The following MET variants were observed in gnomAD, a reference collection of about 807,000 sequenced individuals.
MET encodes the protein MET proto-oncogene, receptor tyrosine kinase.
MET carries 48 observed loss-of-function variants against 133.1 expected under a neutral mutation model. The ratio of observed to expected loss-of-function variants is 0.36; its 90% CI spans 0.29 to 0.46. The LOEUF (loss-of-function observed/expected upper bound fraction) is 0.46. Among genes scored for constraint, MET ranks in the 20% least tolerant of loss-of-function variants. The probability of loss-of-function intolerance (pLI) is 1.00; values close to 1 mark genes in which losing one functional copy is unlikely to be tolerated. For synonymous variants in MET, 628 were observed against 616.5 expected (o/e 1.02, Z -0.28); for missense variants, 1,442 against 1,695.9 (o/e 0.85, Z 2.63).
chr7:116,736,829 G>A lies in MET; in HGVS notation c.1393-3121G>A, dbSNP rs1290348214. On this transcript the variant is annotated intron_variant, in intron 3 of 20. Coordinates refer to ENST00000397752, the MANE Select transcript of MET (RefSeq NM_000245.4). The stretch of plus-strand genomic sequence containing the variant: ...TAATTGTTGGTCTTCTATTTTATGC[G>A]AATTCTTCTAAGATTCCCAGGTTAT... 2.6e-5 allele frequency among the ~76,000 whole-genome samples: 4 copies of A among 152,222 alleles called. No homozygotes were observed. The East Asian group carries it at 7.7e-4, about 29-fold the overall frequency.
intron 19 of MET, among the ~76,000 whole-genome samples, chr7:116,785,559 G>A (rs1795287020): frequency 6.6e-6 from 1 of 152,114 alleles, no homozygotes; most frequent in African/African-American, 2.4e-5. Flanking sequence ...CTACCTCCAT[G>A]ATGCAGTCAC....
At chr7:116,755,603 G>T (rs1794148490) in intron 6 of MET, 88 bp downstream of exon 6, 5 of 1,524,320 alleles carry the variant, frequency 3.3e-6, no homozygotes, top group Non-Finnish European at 4.5e-6. Context: ...TGCTCAAGAA[G>T]CTCATCTCTT....
chr7:116,681,163 T>C (rs1796343922), intron 1 of MET, among the ~76,000 whole-genome samples: 1 of 152,102 alleles, frequency 6.6e-6, no homozygotes, highest in South Asian at 2.1e-4. Context: ...TCCCCTCAGT[T>C]ACCAGGAAGA....
chr7:116,754,153 A>G lies in MET; in HGVS notation c.1702-1202A>G, dbSNP rs538828142. 1.3e-4 allele frequency among the ~76,000 whole-genome samples: 19 copies of G among 151,810 alleles called. No homozygotes were observed. The East Asian group carries it at 3.1e-3, about 25-fold the overall frequency. The stretch of plus-strand genomic sequence containing the variant: ...CATCTCTAAAAGTAAATAAGTAAAT[A>G]ATGAATGAATGAATGAATGAATGAA... On this transcript the variant is annotated intron_variant, in intron 5 of 20. Coordinates refer to ENST00000397752, the MANE Select transcript of MET (RefSeq NM_000245.4).
chr7:116,700,402 T>C, intron 2 of MET, 118 bp downstream of exon 2: 4 of 1,163,294 alleles, frequency 3.4e-6, no homozygotes, highest in African/African-American at 1.6e-5. Context: ...TTATCCAAAA[T>C]AGTTGCAGAT....
intron 1 of MET, among the ~76,000 whole-genome samples, chr7:116,680,540 G>C (rs1796313107): frequency 2.0e-5 from 3 of 152,092 alleles, no homozygotes; most frequent in Admixed American, 2.0e-4. Context: ...GGGAAAGGTG[G>C]GCGGGATATG....
At chr7:116,706,828 A>T (rs1271487393) in intron 2 of MET, among the ~76,000 whole-genome samples, 2 of 151,944 alleles carry the variant, frequency 1.3e-5, no homozygotes, top group South Asian at 2.1e-4. Flanking sequence ...AGTGCTCGTT[A>T]TCAGGAAAAT....
At chr7:116,791,718 G>A (rs776895034) in intron 19 of MET, among the ~76,000 whole-genome samples, 4 of 152,034 alleles carry the variant, frequency 2.6e-5, no homozygotes, top group African/African-American at 9.7e-5. Flanking sequence ...AGCCTGAAGT[G>A]CAGTGGTGCA....
intron 1 of MET, among the ~76,000 whole-genome samples, chr7:116,692,228 G>T (rs139333175): frequency 1.3e-5 from 2 of 152,042 alleles, no homozygotes; most frequent in Middle Eastern, 6.3e-3. Flanking sequence ...ACCTTATAAG[G>T]TAATCATGAT....
At chr7:116,762,049 T>A (rs1794420315) in intron 10 of MET, among the ~76,000 whole-genome samples, 1 of 150,220 alleles carries the variant, frequency 6.7e-6, no homozygotes, top group South Asian at 2.2e-4. Flanking sequence ...TGTACCACTA[T>A]GTGTTGCTGG....
At chr7:116,716,473 GA>G (rs1491272300) in intron 2 of MET, among the ~76,000 whole-genome samples, 1 of 58,460 alleles carries the variant, frequency 1.7e-5, no homozygotes, top group Non-Finnish European at 3.4e-5. Context: ...GAAAGAGAAA[GA>G]AAGAAAGAAA....
intron 2 of MET, among the ~76,000 whole-genome samples, chr7:116,719,974 C>G (rs373914399): frequency 6.6e-6 from 1 of 151,864 alleles, no homozygotes; most frequent in Non-Finnish European, 1.5e-5. Flanking sequence ...GCGATGCGGG[C>G]TCTTTTTTGG....
Position 116,796,486 on chromosome 7 carries a change from A to G in MET, c.*362A>G, listed in dbSNP as rs546444252. 1.2e-4 allele frequency: 50 copies of G among 426,670 alleles called. No homozygotes were observed. In the East Asian group the frequency reaches 1.6e-3, roughly 13 times the overall value. 26.4% of individuals were successfully genotyped at this position (426,670 alleles called of 1,614,324 possible). On this transcript the variant is annotated 3_prime_UTR_variant, in exon 21 of 21. Transcript: ENST00000397752. ...CTTGATCACAGAAAACTCAGAAGAG[A>G]TAGTAATGCTCAGGACAGGAGCGGC...
intron 2 of MET, among the ~76,000 whole-genome samples, chr7:116,718,870 A>C: frequency 7.0e-6 from 1 of 142,904 alleles, no homozygotes; most frequent in East Asian, 2.0e-4. Flanking sequence ...TATGTGCCAC[A>C]TTTTCTTAAT....
At chr7:116,790,985 G>A (rs1432139158) in intron 19 of MET, among the ~76,000 whole-genome samples, 1 of 152,138 alleles carries the variant, frequency 6.6e-6, no homozygotes, top group East Asian at 1.9e-4. Flanking sequence ...GGCTGCGGCG[G>A]GACAGTTGCT....
intron 2 of MET, among the ~76,000 whole-genome samples, chr7:116,719,337 G>T (rs1348096668): frequency 5.3e-5 from 8 of 151,222 alleles, no homozygotes; most frequent in Non-Finnish European, 1.2e-4. Context: ...TTTTGATGGG[G>T]TTGTTTTTTT....
chr7:116,790,723 T>G (rs1020408336), intron 19 of MET, among the ~76,000 whole-genome samples: 2 of 152,200 alleles, frequency 1.3e-5, no homozygotes, highest in Non-Finnish European at 2.9e-5. Flanking sequence ...TCTCTTTTTA[T>G]TTTTGAGTAG....
intron 2 of MET, among the ~76,000 whole-genome samples, chr7:116,702,862 A>G (rs1435764115): frequency 6.6e-6 from 1 of 152,140 alleles, no homozygotes; most frequent in Non-Finnish European, 1.5e-5. Context: ...AAGTGTTTCT[A>G]TCACAAGATC....
At chr7:116,672,851 G>T (rs1796023401) in intron 1 of MET, among the ~76,000 whole-genome samples, 1 of 152,052 alleles carries the variant, frequency 6.6e-6, no homozygotes, top group Non-Finnish European at 1.5e-5. Flanking sequence ...TGACTGTTAC[G>T]GCCCAGCAAG....
Sources: gnomAD v4.1 joint callset for allele counts (sites outside exome capture counted in the v4.1 genomes callset) on GRCh38, gnomAD v4.1.1 for gene constraint, MANE v1.5 for transcripts, NCBI Gene and HGNC (gene_info 2026-07-23, HGNC 2026-07-21) for gene names.